DNAH14: variants seen among roughly 807,000 people sequenced by gnomAD.
DNAH14 encodes the protein axonemal beta dynein heavy chain 14.
A neutral mutation model predicts 520.9 loss-of-function variants in DNAH14; 478 were observed. That is an observed-to-expected ratio of 0.92 (90% CI 0.85 to 0.99). The LOEUF (loss-of-function observed/expected upper bound fraction) is 0.99. Among genes scored for constraint, DNAH14 ranks in the 50% least tolerant of loss-of-function variants. The pLI is 0.00. For missense variants in DNAH14, 4,831 were observed against 5,234.5 expected (o/e 0.92, Z 2.38); for synonymous variants, 1,581 against 1,757.2 (o/e 0.90, Z 2.51).
intron 41 of DNAH14, among the ~76,000 whole-genome samples, chr1:225,223,174 G>A (rs1051819155): frequency 1.1e-4 from 16 of 152,148 alleles, no homozygotes; most frequent in East Asian, 1.9e-4. Context: ...TTAGGCAAGC[G>A]ACATTAGAAG....
At chr1:225,039,209 ATGT>A (rs139260804) in intron 12 of DNAH14, among the ~76,000 whole-genome samples, 7,990 of 152,200 alleles carry the variant, frequency 0.052, 315 homozygotes, top group Non-Finnish European at 0.077. Flanking sequence ...TGCAGGAGTG[ATGT>A]TGTATGCTAT....
rs1444063335 is a variant in DNAH14, at chr1:225,300,906, C to G, written c.8507C>G (p.Ser2836Ter). 1 of 1,551,222 alleles carries G rather than the reference C, an allele frequency of 6.4e-7. No homozygotes were observed. The highest frequency in any genetic ancestry group is 2.4e-5 in the East Asian group (1 of 40,868). The change falls in exon 56 of 86, where the codon TCA becomes TGA. Residue 2836 changes from serine (S) to a stop codon, truncating the protein, a stop_gained. Coordinates refer to ENST00000682510, the MANE Select transcript of DNAH14 (RefSeq NM_001367479.1). LOFTEE classifies it high-confidence loss of function. ...FLEDLNYIIS[S>*]GRIPDLFENV... Reference sequence around the variant, plus strand: ...GAAGATTTGAACTACATCATCAGTTCAGGAAGAATACCTGACCTGTTTGAA... The same window carrying G: ...GAAGATTTGAACTACATCATCAGTTGAGGAAGAATACCTGACCTGTTTGAA...
rs1228321923 is a variant in DNAH14 at position 224,952,683 on chromosome 1, A to G, written c.-20A>G. ...ATTTTGTTACAGCCAGTTCCTTTAT[A>G]GTTTTGTTCAGAAAAACATATGGAG... On this transcript the variant is annotated 5_prime_UTR_variant, in exon 2 of 86. It adds an upstream start codon to the 5' untranslated region. Coordinates refer to ENST00000682510, the MANE Select transcript of DNAH14 (RefSeq NM_001367479.1). 6.5e-7 allele frequency: 1 copy of G among 1,541,286 alleles called. No homozygotes were observed. The highest frequency in any genetic ancestry group is 8.7e-7 in the Non-Finnish European group (1 of 1,146,730).
intron 64 of DNAH14, among the ~76,000 whole-genome samples, chr1:225,325,186 T>TA (rs969823169): frequency 3.4e-4 from 52 of 151,154 alleles, no homozygotes; most frequent in African/African-American, 1.1e-3. Context: ...CTGTGTTCTT[T>TA]AAAAAAAACT....
chr1:224,929,867 C>A, intron 1 of DNAH14, 32 bp downstream of exon 1: 2 of 647,572 alleles, frequency 3.1e-6, no homozygotes, highest in South Asian at 3.3e-5. Context: ...TGTCAGCGGT[C>A]GGCAGAGCCT....
At chr1:225,342,828 G>T (rs949946665) in intron 69 of DNAH14, among the ~76,000 whole-genome samples, 2 of 151,954 alleles carry the variant, frequency 1.3e-5, no homozygotes, top group African/African-American at 2.4e-5. Context: ...TTGGGGCGGG[G>T]ATGCCATGGG....
chr1:225,270,723 T>C lies in DNAH14; in HGVS notation c.7540-12T>C. ...TACATTCAGTTACTCTTCCTTTTTA[T>C]CCTTATCACAGAATATTCAAGATCT... On this transcript the variant is annotated splice_polypyrimidine_tract_variant and intron_variant, in intron 49 of 85. Transcript: ENST00000682510. 2.6e-6 allele frequency: 4 copies of C among 1,549,710 alleles called. No homozygotes were observed. The highest frequency in any genetic ancestry group is 3.5e-6 in the Non-Finnish European group (4 of 1,145,866).
intron 28 of DNAH14, among the ~76,000 whole-genome samples, chr1:225,141,759 T>C (rs2079483312): frequency 6.6e-6 from 1 of 152,160 alleles, no homozygotes; most frequent in Admixed American, 6.5e-5. Context: ...GGAAACAAAC[T>C]GAAGAACATT....
At position 225,112,301 on chromosome 1, in the gene DNAH14, G is replaced by A. The variant is rs1038582130; in HGVS notation, c.3868-5383G>A. Among the ~76,000 whole-genome samples, 4 of 152,050 alleles carry A rather than the reference G, an allele frequency of 2.6e-5. No homozygotes were observed. In the South Asian group the frequency reaches 8.3e-4, roughly 32 times the overall value. Reference sequence around the variant, plus strand: ...TCAAGTAAGTCATGCCACTCTCTTGGCCTATAAGGTTTCCACTGAAAAGTC... The same window carrying A: ...TCAAGTAAGTCATGCCACTCTCTTGACCTATAAGGTTTCCACTGAAAAGTC... On this transcript the variant is annotated intron_variant, in intron 23 of 85. Coordinates refer to ENST00000682510, the MANE Select transcript of DNAH14 (RefSeq NM_001367479.1).
chr1:225,182,071 C>T (rs114628023), intron 36 of DNAH14, among the ~76,000 whole-genome samples: 5,115 of 152,164 alleles, frequency 0.034, 119 homozygotes, highest in South Asian at 0.088. Flanking sequence ...TGATGGCATG[C>T]GCCTGTAATC....
intron 81 of DNAH14, among the ~76,000 whole-genome samples, chr1:225,384,018 G>C (rs768101792): frequency 1.1e-4 from 16 of 152,146 alleles, no homozygotes; most frequent in African/African-American, 3.9e-4. Context: ...TCAGGAGCAG[G>C]ATGTTCAGTT....
At chr1:225,124,990 CTT>C (rs1356799720) in intron 27 of DNAH14, among the ~76,000 whole-genome samples, 1 of 152,102 alleles carries the variant, frequency 6.6e-6, no homozygotes, top group Non-Finnish European at 1.5e-5. Flanking sequence ...CATCAGAACT[CTT>C]GGGTGACTGG....
chr1:225,216,389 C>T (rs942835647), intron 41 of DNAH14, among the ~76,000 whole-genome samples: 3 of 152,122 alleles, frequency 2.0e-5, no homozygotes, highest in African/African-American at 7.2e-5. Context: ...TTGCTCTTCT[C>T]GAGGAGTATC....
chr1:225,117,634 A>G, intron 23 of DNAH14, 50 bp from the exon 24 acceptor site: 2 of 1,149,376 alleles, frequency 1.7e-6, no homozygotes, highest in African/African-American at 3.1e-5. Context: ...TGTAATTCAT[A>G]TCATAATTAA....
intron 39 of DNAH14, among the ~76,000 whole-genome samples, chr1:225,205,645 G>A (rs1247271847): frequency 6.6e-6 from 1 of 152,230 alleles, no homozygotes; most frequent in Non-Finnish European, 1.5e-5. Context: ...ATATTCTGGG[G>A]TAGAAGGGCA....
chr1:225,368,029 G>A lies in DNAH14; in HGVS notation c.12315G>A (p.Leu4105=). 3 of 1,545,682 alleles carry A rather than the reference G, an allele frequency of 1.9e-6. No individual in the cohort carries two copies. Among genetic ancestry groups the A allele is most frequent in the Non-Finnish European group, 2.6e-6 (3 of 1,144,508 alleles). The change falls in exon 77 of 86, where the codon TTG becomes TTA. Residue 4105 remains leucine, a synonymous_variant. Coordinates refer to ENST00000682510, the MANE Select transcript of DNAH14 (RefSeq NM_001367479.1). ...CTTATAAATTTAATTCTTCAGACTT[G>A]GGGGTAAGTGTAGTCTCTTCAAACA... ...NIAYKFNSSD[L]GVAIKVLENS...
intron 41 of DNAH14, among the ~76,000 whole-genome samples, chr1:225,223,279 C>T (rs2090227748): frequency 2.6e-5 from 4 of 152,080 alleles, no homozygotes; most frequent in African/African-American, 7.2e-5. Flanking sequence ...TAAGAAAAAG[C>T]ATTAAAGAAA....
In DNAH14 at chr1:224,999,107, A is replaced by T. The variant is rs112991702; in HGVS notation, c.831-3676A>T. 2.7e-3 allele frequency among the ~76,000 whole-genome samples: 416 copies of T among 151,520 alleles called. 3 individuals carry two copies. The highest frequency in any genetic ancestry group is 9.5e-3 in the African/African-American group (390 of 40,938). Reference sequence around the variant, plus strand: ...TTCTTTTGATTAGTGTTTACACAATATATCTTTCCCATCCTTTTACTTTTG... The same window carrying T: ...TTCTTTTGATTAGTGTTTACACAATTTATCTTTCCCATCCTTTTACTTTTG... On this transcript the variant is annotated intron_variant, in intron 8 of 85. Coordinates refer to ENST00000682510, the MANE Select transcript of DNAH14 (RefSeq NM_001367479.1).
chr1:225,352,364 T>C, intron 72 of DNAH14, among the ~76,000 whole-genome samples: 1 of 152,138 alleles, frequency 6.6e-6, no homozygotes, highest in East Asian at 1.9e-4. Flanking sequence ...ACCTAATTTG[T>C]TTCCTTCCAC....
Sources: gnomAD v4.1 joint callset for allele counts (sites outside exome capture counted in the v4.1 genomes callset) on GRCh38, gnomAD v4.1.1 for gene constraint, MANE v1.5 for transcripts, NCBI Gene and HGNC (gene_info 2026-07-23, HGNC 2026-07-21) for gene names.